The following BCAS3 variants were observed in gnomAD, a reference collection of about 807,000 sequenced individuals.
The protein encoded by BCAS3 is BCAS4/BCAS3 fusion.
A neutral mutation model predicts 116.1 loss-of-function variants in BCAS3; 53 were observed. That is an observed-to-expected ratio of 0.46 (90% CI 0.37 to 0.57). The LOEUF (loss-of-function observed/expected upper bound fraction) is 0.57. Ranked by LOEUF, BCAS3 falls within the 20% of genes least tolerant of loss-of-function variation. The pLI is 0.00. For synonymous variants in BCAS3, 391 were observed against 408.2 expected (o/e 0.96, Z 0.51); for missense variants, 917 against 1,165.4 (o/e 0.79, Z 3.10).
chr17:60,762,146 G>A (rs1045958710), intron 6 of BCAS3, among the ~76,000 whole-genome samples: 2 of 152,086 alleles, frequency 1.3e-5, no homozygotes, highest in Non-Finnish European at 2.9e-5. Flanking sequence ...CCATTCTGTA[G>A]GTTGCCTGTT....
chr17:60,923,673 A>G (rs908390791), intron 12 of BCAS3, among the ~76,000 whole-genome samples: 10 of 152,330 alleles, frequency 6.6e-5, no homozygotes, highest in Middle Eastern at 6.8e-3. Flanking sequence ...GAAACATTAG[A>G]TAAGTAAAAC....
chr17:60,689,237 G>C lies in BCAS3; in HGVS notation c.139-449G>C, dbSNP rs149209817. 5.3e-4 allele frequency among the ~76,000 whole-genome samples: 80 copies of C among 152,248 alleles called. No homozygotes were observed. In the East Asian group the frequency reaches 8.3e-3, roughly 16 times the overall value. On this transcript the variant is annotated intron_variant, in intron 3 of 23. Coordinates refer to ENST00000407086, the MANE Select transcript of BCAS3 (RefSeq NM_017679.5). ...CGCCTAGGCTGGAGTGCGGTGGCAC[G>C]ATCTCTGTTCATTGCAATCTCTGCC... is the stretch of plus-strand genomic sequence containing the variant.
chr17:61,146,406 T>C (rs778496317), intron 22 of BCAS3, among the ~76,000 whole-genome samples: 2 of 151,946 alleles, frequency 1.3e-5, no homozygotes, highest in African/African-American at 4.8e-5. Context: ...TGTGAGCCAC[T>C]GTAAGCGACT....
chr17:60,869,654 G>C (rs766831887), intron 8 of BCAS3, among the ~76,000 whole-genome samples: 6 of 152,156 alleles, frequency 3.9e-5, no homozygotes, highest in Non-Finnish European at 7.4e-5. Context: ...ATTATAGGAT[G>C]TAGGAAAAAT....
rs945687185 is a variant in BCAS3 at position 61,350,630 on chromosome 17, C to G, written c.2426-17697C>G. ...TGTATGTACACAATGGAATATTATT[C>G]AGTCTTTTTTTTTTTTTTTTGAGAC... is the stretch of plus-strand genomic sequence containing the variant. On this transcript the variant is annotated intron_variant, in intron 22 of 23. Coordinates refer to ENST00000407086, the MANE Select transcript of BCAS3 (RefSeq NM_017679.5). Among the ~76,000 whole-genome samples the G allele has an allele frequency of 5.5e-5, 5 of 91,220 alleles. No homozygotes were observed. The East Asian group carries it at 1.7e-3, about 30-fold the overall frequency. The allele number at this position is 91,220 out of a possible 152,430, so 59.8% of individuals were successfully genotyped here. A position where few individuals can be genotyped will look rare whatever the true frequency, so the allele number is the denominator to read the frequency against.
intron 7 of BCAS3, among the ~76,000 whole-genome samples, chr17:60,829,652 A>G (rs2050742922): frequency 6.6e-6 from 1 of 152,152 alleles, no homozygotes; most frequent in Admixed American, 6.6e-5. Context: ...TCTGTTTGGT[A>G]TATGTAACTA....
intron 6 of BCAS3, among the ~76,000 whole-genome samples, chr17:60,799,251 T>C: frequency 6.6e-6 from 1 of 152,164 alleles, no homozygotes; most frequent in Non-Finnish European, 1.5e-5. Flanking sequence ...AAATCTTATT[T>C]TGAAACAATT....
At chr17:60,827,908 AGTT>A (rs1391010991) in intron 7 of BCAS3, among the ~76,000 whole-genome samples, 1 of 152,214 alleles carries the variant, frequency 6.6e-6, no homozygotes, top group East Asian at 1.9e-4. Flanking sequence ...TTGAGTTCAA[AGTT>A]GTTTTTTCTT....
chr17:61,089,075 G>T (rs1393506660), intron 22 of BCAS3, among the ~76,000 whole-genome samples: 2 of 152,090 alleles, frequency 1.3e-5, no homozygotes, highest in Non-Finnish European at 2.9e-5. Flanking sequence ...CAGACTTGGG[G>T]TTTTTTGTTG....
At chr17:60,857,472 C>G (rs1180487979) in intron 7 of BCAS3, among the ~76,000 whole-genome samples, 1 of 152,158 alleles carries the variant, frequency 6.6e-6, no homozygotes, top group Non-Finnish European at 1.5e-5. Context: ...AGACTGTATT[C>G]TGTGTAAAAC....
At position 61,391,577 on chromosome 17, in the gene BCAS3, G is replaced by A. The variant is rs796833992; in HGVS notation, c.2594-400G>A. On this transcript the variant is annotated intron_variant, in intron 23 of 23. Coordinates refer to ENST00000407086, the MANE Select transcript of BCAS3 (RefSeq NM_017679.5). This position sits in a 1 kb window ranked among gnomAD's most constrained non-coding sequence, Gnocchi z 7.7. ...CCCTCCCGTGTCCTAGCTTCTCCCC[G>A]CCTGCCTCCCCTGTAGAGCCGGGAC... is the stretch of plus-strand genomic sequence containing the variant. 18 of 174,288 alleles carry A rather than the reference G, an allele frequency of 1.0e-4. No individual in the cohort carries two copies. The highest frequency in any genetic ancestry group is 2.6e-4 in the African/African-American group (11 of 42,124). 10.8% of individuals were successfully genotyped at this position (174,288 alleles called of 1,614,324 possible).
chr17:61,018,392 C>G (rs938862144), intron 16 of BCAS3, among the ~76,000 whole-genome samples: 1 of 148,544 alleles, frequency 6.7e-6, no homozygotes, highest in Non-Finnish European at 1.5e-5. Context: ...GCCTCTGCCT[C>G]CCTGGTTCAA....
In BCAS3 at chr17:60,960,072, A is replaced by G. The variant is rs1034588008; in HGVS notation, c.1221+12720A>G. 3.9e-5 allele frequency among the ~76,000 whole-genome samples: 6 copies of G among 152,168 alleles called. No individual in the cohort carries two copies. Among genetic ancestry groups the G allele is most frequent in the Non-Finnish European group, 8.8e-5 (6 of 68,028 alleles). ...TTATAACCTAATCACTTATTTTGCC[A>G]AAGAGTAACTCTTTGATCCTTTGAG... is the stretch of plus-strand genomic sequence containing the variant. On this transcript the variant is annotated intron_variant, in intron 14 of 23. Transcript: ENST00000407086. This position sits in a 1 kb window ranked among gnomAD's most constrained non-coding sequence, Gnocchi z 4.1.
intron 23 of BCAS3, among the ~76,000 whole-genome samples, chr17:61,375,082 C>CT (rs2059265943): frequency 6.6e-6 from 1 of 152,150 alleles, no homozygotes; most frequent in African/African-American, 2.4e-5. Context: ...CTGCGCCTTT[C>CT]TTTTTCTCTT....
At position 61,116,746 on chromosome 17, in the gene BCAS3, T is replaced by G. The variant is rs185088862; in HGVS notation, c.2425+32182T>G. On this transcript the variant is annotated intron_variant, in intron 22 of 23. Coordinates refer to ENST00000407086, the MANE Select transcript of BCAS3 (RefSeq NM_017679.5). Reference sequence around the variant, plus strand: ...TTTCCCCTTTATTACTGAGTGATATTATGGCTGGGTATAGGATTCAAGGTT... The same window carrying G: ...TTTCCCCTTTATTACTGAGTGATATGATGGCTGGGTATAGGATTCAAGGTT... 1.2e-3 allele frequency among the ~76,000 whole-genome samples: 182 copies of G among 152,328 alleles called. 1 individual carries two copies. The highest frequency in any genetic ancestry group is 3.6e-3 in the African/African-American group (151 of 41,572).
chr17:60,894,002 G>C (rs1453866436), intron 10 of BCAS3, among the ~76,000 whole-genome samples: 1 of 152,004 alleles, frequency 6.6e-6, no homozygotes, highest in African/African-American at 2.4e-5. Context: ...TTCCTGATTT[G>C]TTATTTTTGC....
intron 22 of BCAS3, among the ~76,000 whole-genome samples, chr17:61,223,404 C>T (rs2082220752): frequency 6.6e-6 from 1 of 152,172 alleles, no homozygotes; most frequent in African/African-American, 2.4e-5. Flanking sequence ...GGTGATCTGC[C>T]TGCCTTGGCC....
At chr17:61,154,247 ACAGC>A (rs546806193) in intron 22 of BCAS3, among the ~76,000 whole-genome samples, 130 of 152,328 alleles carry the variant, frequency 8.5e-4, no homozygotes, top group African/African-American at 3.0e-3. Flanking sequence ...CTCATGTAAT[ACAGC>A]CAAGATTGTG....
chr17:60,812,044 C>A (rs1331473994), intron 7 of BCAS3, among the ~76,000 whole-genome samples: 19 of 149,296 alleles, frequency 1.3e-4, no homozygotes, highest in Non-Finnish European at 2.5e-4. Flanking sequence ...CAGAGTGAGA[C>A]CCAGTCTCAA....
Sources: gnomAD v4.1 joint callset for allele counts (sites outside exome capture counted in the v4.1 genomes callset) on GRCh38, gnomAD v4.1.1 for gene constraint, Gnocchi (gnomAD v3.1) non-coding constraint, MANE v1.5 for transcripts, NCBI Gene and HGNC (gene_info 2026-07-23, HGNC 2026-07-21) for gene names.